Variants in SCRN2 observed in about 807,000 individuals in gnomAD.
SCRN2 encodes the protein secernin 2.
SCRN2 carries 30 observed loss-of-function variants against 40.1 expected under a neutral mutation model. That is an observed-to-expected ratio of 0.75 (90% CI 0.56 to 1.01). The LOEUF (loss-of-function observed/expected upper bound fraction) is 1.01, where lower values mean the gene tolerates loss of function less well. Among genes scored for constraint, SCRN2 ranks in the 50% least tolerant of loss-of-function variants. The pLI is 0.00. For synonymous variants in SCRN2, 240 were observed against 233.5 expected, an observed-to-expected ratio of 1.03 and a Z score of -0.25; for missense variants, 526 against 564.9, an observed-to-expected ratio of 0.93 and a Z score of 0.70.
rs747859267 is a variant in SCRN2, at chr17:47,837,949, G to A, written c.1173C>T (p.Leu391=). The change falls in exon 8 of 8, where the codon CTC becomes CTT. Residue 391 remains leucine, a synonymous_variant. Coordinates refer to ENST00000290216, the MANE Select transcript of SCRN2 (RefSeq NM_138355.4). ...QKQQDLEQEG[L]EATQGLLAGE... ...CGGCCAGCAGCCCCTGTGTGGCCTC[G>A]AGGCCTTCCTGCTCCAGATCCTGCT... 1.0e-5 allele frequency: 16 copies of A among 1,606,802 alleles called. No homozygotes were observed. Among genetic ancestry groups the A allele is most frequent in the African/African-American group, 5.3e-5 (4 of 74,768 alleles).
chr17:47,839,145 C>G, intron 4 of SCRN2, 139 bp from the exon 5 acceptor site: 2 of 848,966 alleles, frequency 2.4e-6, no homozygotes, highest in Non-Finnish European at 3.6e-6. Flanking sequence ...GGGAGGCAGA[C>G]AAAATAATCA....
At position 47,840,829 on chromosome 17, in the gene SCRN2, G is replaced by A; in HGVS notation, c.15C>T (p.Ser5=). ...AGTCGCAGGAACATGGGGAGTCAGG[G>A]CTCGACGACGCCATCTGGGGAGAGG... The part of the protein sequence containing the change: MASS[S]PDSPCSCDCF... Residue 5 remains serine (S), a synonymous_variant, in exon 2 of 8, where the codon AGC becomes AGT. Coordinates refer to ENST00000290216, the MANE Select transcript of SCRN2 (RefSeq NM_138355.4). 2 of 1,534,658 alleles carry A rather than the reference G, an allele frequency of 1.3e-6. No individual in the cohort carries two copies. The highest frequency in any genetic ancestry group is 1.8e-6 in the Non-Finnish European group (2 of 1,137,610).
chr17:47,837,770 C>A lies in SCRN2; in HGVS notation c.*74G>T, dbSNP rs200581997. ...GCCAAGGAGCGTGAAGGGATTGCTC[C>A]ACTTTACCACCACTCAGGGCACCCA... On this transcript the variant is annotated 3_prime_UTR_variant, in exon 8 of 8. Transcript: ENST00000290216. The A allele has an allele frequency of 1.5e-3, 2,204 of 1,493,486 alleles. 4 individuals are homozygous for A. The highest frequency in any genetic ancestry group is 1.8e-3 in the Non-Finnish European group (1,977 of 1,128,724). The allele number at this position is 1,493,486 out of a possible 1,614,324, so 92.5% of individuals were successfully genotyped here.
intron 7 of SCRN2, 54 bp downstream of exon 7, chr17:47,838,216 G>T: frequency 1.3e-6 from 2 of 1,569,812 alleles, no homozygotes; most frequent in South Asian, 2.4e-5. Flanking sequence ...GTCCCACTGG[G>T]AGTGGGGGAG....
chr17:47,839,689 A>G, intron 3 of SCRN2, 46 bp from the exon 4 acceptor site: 1 of 1,602,424 alleles, frequency 6.2e-7, no homozygotes, highest in South Asian at 1.1e-5. Context: ...CAGAGGGATC[A>G]ATGGCTGGTG....
In SCRN2 at chr17:47,840,379, G is replaced by A; in HGVS notation, c.175-7C>T. 2 of 1,613,394 alleles carry A rather than the reference G, an allele frequency of 1.2e-6. No homozygotes were observed. Among genetic ancestry groups the A allele is most frequent in the Non-Finnish European group, 1.7e-6 (2 of 1,179,488 alleles). On this transcript the variant is annotated splice_polypyrimidine_tract_variant and splice_region_variant and intron_variant, in intron 2 of 7. Transcript: ENST00000290216. The stretch of plus-strand genomic sequence containing the variant: ...CCACTTCAATGTAGGTGCACTGGAG[G>A]TGAGGGAGGAGAAAGGAAGCGTCCA...
rs776892060 is a variant in SCRN2, at chr17:47,838,394, A to G, written c.995T>C (p.Leu332Pro). ...GMGVAQAPQVLSPTFGAQDPV... is the reference protein window; with the variant it reads ...GMGVAQAPQVPSPTFGAQDPV... ...GTCTTGTGCTCCAAAAGTGGGGGAC[A>G]GCACCTGGGGGGCCTGGGCCACCCC... is the stretch of plus-strand genomic sequence containing the variant. The change falls in exon 7 of 8, where the codon CTG becomes CCG. Residue 332 changes from leucine (L) to proline (P), a missense_variant. Leu to Pro is a moderately conservative substitution (Grantham distance 98). Coordinates refer to ENST00000290216, the MANE Select transcript of SCRN2 (RefSeq NM_138355.4). The G allele has an allele frequency of 1.2e-6, 2 of 1,609,676 alleles. No individual in the cohort carries two copies. Among genetic ancestry groups the G allele is most frequent in the Non-Finnish European group, 1.7e-6 (2 of 1,178,772 alleles).
At position 47,840,971 on chromosome 17, in the gene SCRN2, C is replaced by A; in HGVS notation, c.1-128G>T. 5 of 868,218 alleles carry A rather than the reference C, an allele frequency of 5.8e-6. No individual in the cohort carries two copies. The South Asian group carries it at 1.6e-4, about 27-fold the overall frequency. The allele number at this position is 868,218 out of a possible 1,614,324, so 53.8% of individuals were successfully genotyped here. A position where few individuals can be genotyped will look rare whatever the true frequency, so the allele number is the denominator to read the frequency against. On this transcript the variant is annotated intron_variant, in intron 1 of 7. Transcript: ENST00000290216. ...GCTCCTGGACGCTCGGCGCACACAC[C>A]ATGGACGGGTGTGCGGGAACGGAGG...
At position 47,838,334 on chromosome 17, in the gene SCRN2, AC is replaced by A. The variant is rs776690572; in HGVS notation, c.1054del (p.Val352Ter). ...ACGGTAGAGGGTATGCCGACGATCTACCTGAGTCTGGAATCGGGGCAGGGTC... is the reference window on the plus strand; with the variant it reads ...ACGGTAGAGGGTATGCCGACGATCTACTGAGTCTGGAATCGGGGCAGGGTC... Reference protein sequence around the residue: ...VRTLPRFQTQVDRRHTLYRGH... With the variant: ...VRTLPRFQTQXDRRHTLYRGH... On this transcript the variant is annotated frameshift_variant, in exon 7 of 8. Transcript: ENST00000290216. LOFTEE classifies it high-confidence loss of function. The A allele has an allele frequency of 5.6e-6, 9 of 1,608,320 alleles. No individual in the cohort carries two copies. Among genetic ancestry groups the A allele is most frequent in the East Asian group, 2.2e-5 (1 of 44,624 alleles).
At chr17:47,838,234 A>G (rs1346349183) in intron 7 of SCRN2, 36 bp downstream of exon 7, 4 of 1,574,062 alleles carry the variant, frequency 2.5e-6, no homozygotes, top group Non-Finnish European at 3.4e-6. Flanking sequence ...GAGGTCTATC[A>G]TCCCCTCAAG....
Position 47,839,655 on chromosome 17 carries a change from G to A in SCRN2, c.357-12C>T, listed in dbSNP as rs1006805501. The A allele has an allele frequency of 3.1e-6, 5 of 1,613,640 alleles. No homozygotes were observed. Among genetic ancestry groups the A allele is most frequent in the Non-Finnish European group, 4.2e-6 (5 of 1,179,954 alleles). ...GTTCCAAAGCCAGCCTGGCAAAAGA[G>A]AGGGCCAAGGGACAGAAGGGTGACA... On this transcript the variant is annotated splice_polypyrimidine_tract_variant and intron_variant, in intron 3 of 7. Coordinates refer to ENST00000290216, the MANE Select transcript of SCRN2 (RefSeq NM_138355.4).
At position 47,837,767 on chromosome 17, in the gene SCRN2, C is replaced by T. The variant is rs1053412091; in HGVS notation, c.*77G>A. The T allele has an allele frequency of 7.4e-6, 11 of 1,486,640 alleles. No homozygotes were observed. The highest frequency in any genetic ancestry group is 2.4e-5 in the Admixed American group (1 of 42,436). 92.1% of individuals were successfully genotyped at this position (1,486,640 alleles called of 1,614,324 possible). A position where few individuals can be genotyped will look rare whatever the true frequency, so the allele number is the denominator to read the frequency against. On this transcript the variant is annotated 3_prime_UTR_variant, in exon 8 of 8. Coordinates refer to ENST00000290216, the MANE Select transcript of SCRN2 (RefSeq NM_138355.4). ...ATGGCCAAGGAGCGTGAAGGGATTGCTCCACTTTACCACCACTCAGGGCAC... is the reference window on the plus strand; with the variant it reads ...ATGGCCAAGGAGCGTGAAGGGATTGTTCCACTTTACCACCACTCAGGGCAC...
chr17:47,838,156 T>C (rs1005449950), intron 7 of SCRN2, 114 bp downstream of exon 7: 1 of 1,524,140 alleles, frequency 6.6e-7, no homozygotes. Context: ...GGAACTCCTC[T>C]CCCCAGCTCT....
At chr17:47,839,818 C>T (rs1369340688) in intron 3 of SCRN2, 175 bp from the exon 4 acceptor site, 3 of 655,268 alleles carry the variant, frequency 4.6e-6, no homozygotes, top group South Asian at 1.9e-5. Context: ...TTTCAATGCT[C>T]TGGTTCCATG....
chr17:47,839,385 C>T, intron 4 of SCRN2, 59 bp downstream of exon 4: 1 of 1,568,704 alleles, frequency 6.4e-7, no homozygotes, highest in East Asian at 2.3e-5. Context: ...GGATCGGGCC[C>T]CTCCCTGCCC....
chr17:47,840,992 G>A, intron 1 of SCRN2, 149 bp from the exon 2 acceptor site: 1 of 679,718 alleles, frequency 1.5e-6, no homozygotes, highest in Non-Finnish European at 2.1e-6. Context: ...GTGCGGGAAC[G>A]GAGGTGCCCA....
At position 47,839,574 on chromosome 17, in the gene SCRN2, A is replaced by G. The variant is rs1342227677; in HGVS notation, c.426T>C (p.Tyr142=). 4 of 1,614,062 alleles carry G rather than the reference A, an allele frequency of 2.5e-6. No homozygotes were observed. Among genetic ancestry groups the G allele is most frequent in the South Asian group, 1.1e-5 (1 of 91,082 alleles). The change falls in exon 4 of 8, where the codon TAT becomes TAC. Residue 142 remains tyrosine, a synonymous_variant. Transcript: ENST00000290216. ...LHVITGLLEH[Y]GQGGNCLEDA... ...CCTCCAGGCAGTTGCCCCCCTGCCC[A>G]TAGTGCTCCAGTAACCCTGTGATCA...
At position 47,838,391 on chromosome 17, in the gene SCRN2, G is replaced by C. The variant is rs747346545; in HGVS notation, c.998C>G (p.Ser333Cys). Residue 333 changes from serine to cysteine, a missense_variant, in exon 7 of 8, where the codon TCC (serine) becomes TGC (cysteine). Ser to Cys is a moderately radical substitution (Grantham distance 112). Transcript: ENST00000290216. ...MGVAQAPQVLSPTFGAQDPVR... is the reference protein window; with the variant it reads ...MGVAQAPQVLCPTFGAQDPVR... ...AGGGTCTTGTGCTCCAAAAGTGGGG[G>C]ACAGCACCTGGGGGGCCTGGGCCAC... The C allele has an allele frequency of 6.2e-7, 1 of 1,609,710 alleles. No homozygotes were observed. The highest frequency in any genetic ancestry group is 1.1e-5 in the South Asian group (1 of 90,746).
intron 4 of SCRN2, among the ~76,000 whole-genome samples, chr17:47,839,210 G>T (rs972506780): frequency 1.3e-5 from 2 of 152,216 alleles, no homozygotes; most frequent in African/African-American, 2.4e-5. Context: ...AGAAGTACCT[G>T]CTTGCATATA....
Sources: gnomAD v4.1 joint callset for allele counts (sites outside exome capture counted in the v4.1 genomes callset) on GRCh38, gnomAD v4.1.1 for gene constraint, MANE v1.5 for transcripts, NCBI Gene and HGNC (gene_info 2026-07-23, HGNC 2026-07-21) for gene names.